Variants in PPM1L observed in about 807,000 individuals in gnomAD.
PPM1L encodes the protein protein phosphatase 1L.
A neutral mutation model predicts 31.4 loss-of-function variants in PPM1L; 13 were observed. The ratio of observed to expected loss-of-function variants is 0.41; its 90% CI spans 0.27 to 0.66. The LOEUF (loss-of-function observed/expected upper bound fraction) is 0.66. Among genes scored for constraint, PPM1L ranks in the 30% least tolerant of loss-of-function variants. The probability of loss-of-function intolerance (pLI) is 0.29; values close to 1 mark genes in which losing one functional copy is unlikely to be tolerated. For synonymous variants in PPM1L, 184 were observed against 175.4 expected (o/e 1.05, Z -0.39); for missense variants, 326 against 453.7 (o/e 0.72, Z 2.56).
chr3:160,855,660 G>A (rs1165580420), intron 1 of PPM1L, among the ~76,000 whole-genome samples: 3 of 152,192 alleles, frequency 2.0e-5, no homozygotes, highest in East Asian at 1.9e-4. Flanking sequence ...ACCACAGTGC[G>A]ATACCATTTC....
intron 1 of PPM1L, among the ~76,000 whole-genome samples, chr3:160,842,903 T>C (rs560405821): frequency 1.3e-5 from 2 of 152,312 alleles, no homozygotes; most frequent in African/African-American, 4.8e-5. Context: ...ACTCACCATT[T>C]AGCTAAATGT....
At chr3:160,873,847 C>T (rs1183484967) in intron 1 of PPM1L, among the ~76,000 whole-genome samples, 1 of 152,130 alleles carries the variant, frequency 6.6e-6, no homozygotes, top group East Asian at 1.9e-4. Context: ...ATTTAATACA[C>T]GTCACTATGA....
intron 1 of PPM1L, among the ~76,000 whole-genome samples, chr3:160,789,431 T>G (rs1289488884): frequency 6.6e-6 from 1 of 151,944 alleles, no homozygotes; most frequent in African/African-American, 2.4e-5. Context: ...TCTTATTATT[T>G]CTTTCTTCTA....
chr3:160,835,093 T>TC (rs1713669775), intron 1 of PPM1L, among the ~76,000 whole-genome samples: 4 of 144,328 alleles, frequency 2.8e-5, no homozygotes, highest in African/African-American at 1.1e-4. Context: ...TTCTTTCTTT[T>TC]TTCTTTCTTC....
chr3:160,843,427 TA>T (rs1229437404), intron 1 of PPM1L, among the ~76,000 whole-genome samples: 52 of 7,372 alleles, frequency 7.1e-3, no homozygotes, highest in African/African-American at 0.026. Flanking sequence ...GCAATTCTTT[TA>T]TATATATATA....
chr3:160,814,888 G>C (rs547636342), intron 1 of PPM1L, among the ~76,000 whole-genome samples: 1 of 152,184 alleles, frequency 6.6e-6, no homozygotes, highest in African/African-American at 2.4e-5. Flanking sequence ...TATTCTAAGT[G>C]AAGTAACTCA....
At chr3:160,972,203 T>C (rs1716365886) in intron 2 of PPM1L, among the ~76,000 whole-genome samples, 2 of 126,912 alleles carry the variant, frequency 1.6e-5, no homozygotes, top group South Asian at 4.7e-4. Flanking sequence ...AGACTTAATC[T>C]TTTTTTTTAT....
intron 1 of PPM1L, among the ~76,000 whole-genome samples, chr3:160,781,861 G>A (rs1015528051): frequency 2.0e-5 from 3 of 152,110 alleles, no homozygotes; most frequent in East Asian, 1.9e-4. Context: ...GACATGAGCC[G>A]TACCTATGTG....
chr3:160,880,131 T>C (rs867213782), intron 1 of PPM1L, among the ~76,000 whole-genome samples: 3 of 152,150 alleles, frequency 2.0e-5, no homozygotes, highest in Admixed American at 6.6e-5. Flanking sequence ...GAGAGGAAAT[T>C]ATACCATCTT....
chr3:160,888,720 A>G lies in PPM1L; in HGVS notation c.400-73016A>G, dbSNP rs149343178. On this transcript the variant is annotated intron_variant, in intron 1 of 3. Coordinates refer to ENST00000498165, the MANE Select transcript of PPM1L (RefSeq NM_139245.4). Reference sequence around the variant, plus strand: ...ACTCTCCACCTCAAATCAACAGAATATACATTCTTCTCAGTGGCATATGGC... The same window carrying G: ...ACTCTCCACCTCAAATCAACAGAATGTACATTCTTCTCAGTGGCATATGGC... Among the ~76,000 whole-genome samples the G allele has an allele frequency of 4.2e-3, 641 of 152,348 alleles. 2 individuals carry two copies. Among genetic ancestry groups the G allele is most frequent in the African/African-American group, 0.015 (619 of 41,582 alleles).
chr3:160,896,094 C>T (rs1033556795), intron 1 of PPM1L, among the ~76,000 whole-genome samples: 1 of 152,152 alleles, frequency 6.6e-6, no homozygotes, highest in African/African-American at 2.4e-5. Context: ...GAAGGCCTTG[C>T]ATATGATAGT....
At chr3:160,939,362 C>G (rs1258570689) in intron 1 of PPM1L, among the ~76,000 whole-genome samples, 1 of 152,182 alleles carries the variant, frequency 6.6e-6, no homozygotes, top group Non-Finnish European at 1.5e-5. Context: ...ACCTGGATTG[C>G]TACCCAGCCC....
At chr3:160,995,468 C>T (rs1717285104) in intron 2 of PPM1L, among the ~76,000 whole-genome samples, 1 of 151,956 alleles carries the variant, frequency 6.6e-6, no homozygotes, top group Non-Finnish European at 1.5e-5. Context: ...TTATAGGTGC[C>T]TGCCACCACA....
chr3:160,815,098 A>C (rs1712954986), intron 1 of PPM1L, among the ~76,000 whole-genome samples: 1 of 152,102 alleles, frequency 6.6e-6, no homozygotes, highest in African/African-American at 2.4e-5. Flanking sequence ...AATCTCAGAA[A>C]TCACCACTAA....
intron 1 of PPM1L, among the ~76,000 whole-genome samples, chr3:160,865,507 G>A (rs531566886): frequency 4.1e-4 from 62 of 152,298 alleles, no homozygotes; most frequent in Admixed American, 4.0e-3. Context: ...CGTGCGTGGT[G>A]GCTCACACCT....
chr3:161,061,780 A>G (rs1172134569), intron 2 of PPM1L, among the ~76,000 whole-genome samples: 3 of 152,200 alleles, frequency 2.0e-5, no homozygotes, highest in Admixed American at 6.5e-5. Flanking sequence ...AATCACCAGC[A>G]GATCCCAAGG....
intron 1 of PPM1L, among the ~76,000 whole-genome samples, chr3:160,906,602 T>TAAAGA (rs746931085): frequency 0.03 from 2,941 of 97,978 alleles, 75 homozygotes; most frequent in African/African-American, 0.086. Flanking sequence ...CTCTGTCTCA[T>TAAAGA]AAAGAAAAGA....
intron 1 of PPM1L, among the ~76,000 whole-genome samples, chr3:160,907,241 G>C (rs1022636903): frequency 1.3e-5 from 2 of 152,180 alleles, no homozygotes; most frequent in African/African-American, 4.8e-5. Flanking sequence ...TACAAGAGTA[G>C]AACAGTAGCA....
At chr3:160,894,525 AGAAGGAC>A in intron 1 of PPM1L, among the ~76,000 whole-genome samples, 1 of 152,206 alleles carries the variant, frequency 6.6e-6, no homozygotes, top group Non-Finnish European at 1.5e-5. Context: ...TTTTTAGGAA[AGAAGGAC>A]TCCTAAATAT....
Sources: gnomAD v4.1 joint callset for allele counts (sites outside exome capture counted in the v4.1 genomes callset) on GRCh38, gnomAD v4.1.1 for gene constraint, MANE v1.5 for transcripts, NCBI Gene and HGNC (gene_info 2026-07-23, HGNC 2026-07-21) for gene names.